SLC44A5: variants seen among roughly 807,000 people sequenced by gnomAD.
The protein encoded by SLC44A5 is solute carrier family 44 member 5.
SLC44A5 carries 57 observed loss-of-function variants against 101.8 expected under a neutral mutation model. The ratio of observed to expected loss-of-function variants is 0.56; its 90% CI spans 0.45 to 0.70. The LOEUF is 0.70. SLC44A5 is among the 30% of genes least tolerant of loss of function. The pLI is 0.00. For missense variants in SLC44A5, 737 were observed against 853.1 expected, an observed-to-expected ratio of 0.86 and a Z score of 1.70; for synonymous variants, 281 against 290.9, an observed-to-expected ratio of 0.97 and a Z score of 0.35.
chr1:75,394,518 T>C (rs1662003577), intron 3 of SLC44A5, among the ~76,000 whole-genome samples: 1 of 152,152 alleles, frequency 6.6e-6, no homozygotes, highest in African/African-American at 2.4e-5. Context: ...AGCAAAGTCT[T>C]TGAAGAGGCA....
chr1:75,549,779 T>G (rs1214609202), intron 1 of SLC44A5, among the ~76,000 whole-genome samples: 2 of 152,182 alleles, frequency 1.3e-5, no homozygotes, highest in East Asian at 3.9e-4. Flanking sequence ...TCTGGAGATT[T>G]GAAGGATAAA....
intron 4 of SLC44A5, among the ~76,000 whole-genome samples, chr1:75,312,647 T>G (rs1365715234): frequency 6.6e-6 from 1 of 151,010 alleles, no homozygotes; most frequent in Non-Finnish European, 1.5e-5. Context: ...CAAACAAATT[T>G]CTATTCTATT....
the SLC44A5 span, among the ~76,000 whole-genome samples, chr1:75,618,211 GACTATTT>G: frequency 6.6e-6 from 1 of 152,190 alleles, no homozygotes; most frequent in Non-Finnish European, 1.5e-5. Flanking sequence ...GACTAGTTAG[GACTATTT>G]TTGGTACATG....
At chr1:75,495,515 G>A (rs187593609) in intron 2 of SLC44A5, among the ~76,000 whole-genome samples, 11 of 151,932 alleles carry the variant, frequency 7.2e-5, no homozygotes, top group African/African-American at 2.7e-4. Flanking sequence ...GGAGAATAAT[G>A]TATGAACAAA....
the SLC44A5 span, among the ~76,000 whole-genome samples, chr1:75,665,833 A>T: frequency 6.6e-6 from 1 of 152,218 alleles, no homozygotes. Context: ...TTCTGAAAAG[A>T]GGATATATGA....
intron 12 of SLC44A5, among the ~76,000 whole-genome samples, chr1:75,231,326 A>C (rs1000308148): frequency 1.1e-4 from 16 of 151,976 alleles, no homozygotes; most frequent in African/African-American, 3.9e-4. Flanking sequence ...TTTGGAGGAG[A>C]TTTCCTTTAT....
chr1:75,513,659 C>G (rs1191396562), intron 2 of SLC44A5, among the ~76,000 whole-genome samples: 2 of 152,166 alleles, frequency 1.3e-5, no homozygotes, highest in African/African-American at 4.8e-5. Flanking sequence ...GAAATGAATG[C>G]TATGCACCAA....
At chr1:75,441,556 T>TG (rs1665201932) in intron 2 of SLC44A5, among the ~76,000 whole-genome samples, 1 of 151,998 alleles carries the variant, frequency 6.6e-6, no homozygotes, top group East Asian at 1.9e-4. Flanking sequence ...ATTATAATAA[T>TG]AAACATAATT....
At chr1:75,291,162 T>C (rs1260537315) in intron 5 of SLC44A5, among the ~76,000 whole-genome samples, 1 of 152,236 alleles carries the variant, frequency 6.6e-6, no homozygotes, top group Non-Finnish European at 1.5e-5. Context: ...TTTCTGATTA[T>C]TCTAAGTCAA....
intron 2 of SLC44A5, among the ~76,000 whole-genome samples, chr1:75,473,062 A>G (rs1005901722): frequency 1.3e-5 from 2 of 152,210 alleles, no homozygotes; most frequent in Non-Finnish European, 2.9e-5. Flanking sequence ...AGTGTTGGCA[A>G]TGTGGTATTA....
rs574027773 is a variant in SLC44A5 at position 75,228,221 on chromosome 1, T to C, written c.854-364A>G. Among the ~76,000 whole-genome samples, 3 of 151,562 alleles carry C rather than the reference T, an allele frequency of 2.0e-5. No individual in the cohort carries two copies. In the South Asian group the frequency reaches 6.2e-4, roughly 31 times the overall value. ...CTAATACGAATTTATGATTATCCAT[T>C]TATTTATTTATCCTTGCAATTCTAT... On this transcript the variant is annotated intron_variant, in intron 12 of 23. Transcript: ENST00000370859.
At chr1:75,388,543 G>C (rs1272556237) in intron 3 of SLC44A5, among the ~76,000 whole-genome samples, 1 of 152,098 alleles carries the variant, frequency 6.6e-6, no homozygotes, top group Non-Finnish European at 1.5e-5. Flanking sequence ...CACTTTGGGA[G>C]GCCGAGGCGG....
chr1:75,583,588 T>G (rs551368219), intron 1 of SLC44A5, among the ~76,000 whole-genome samples: 1 of 152,308 alleles, frequency 6.6e-6, no homozygotes, highest in South Asian at 2.1e-4. Context: ...ATCCTTTGTC[T>G]TTTCCAGAAA....
the SLC44A5 span, among the ~76,000 whole-genome samples, chr1:75,707,279 A>G: frequency 1.3e-5 from 2 of 152,212 alleles, no homozygotes; most frequent in African/African-American, 4.8e-5. Flanking sequence ...TCTAGTGGCC[A>G]AAGAGCAGTC....
intron 3 of SLC44A5, chr1:75,354,051 GT>G: frequency 3.2e-6 from 1 of 313,466 alleles, no homozygotes; most frequent in Non-Finnish European, 6.1e-6. Flanking sequence ...TGAATGAAAT[GT>G]TTTAGAATCC....
chr1:75,288,022 G>A (rs1459881425), intron 5 of SLC44A5, among the ~76,000 whole-genome samples: 2 of 152,152 alleles, frequency 1.3e-5, no homozygotes, highest in Non-Finnish European at 2.9e-5. Context: ...TCAGGAGCTG[G>A]ATGGGGCCAT....
At chr1:75,532,124 C>A (rs74505951) in intron 2 of SLC44A5, among the ~76,000 whole-genome samples, 6,574 of 152,182 alleles carry the variant, frequency 0.043, 165 homozygotes, top group East Asian at 0.11. Context: ...AACAAGCTCT[C>A]CAGGTGGTTG....
the SLC44A5 span, among the ~76,000 whole-genome samples, chr1:75,628,682 C>T: frequency 6.6e-6 from 1 of 152,074 alleles, no homozygotes; most frequent in Non-Finnish European, 1.5e-5. Context: ...CATGTCATAA[C>T]ATTCAAAAAA....
intron 13 of SLC44A5, among the ~76,000 whole-genome samples, chr1:75,225,001 T>C (rs147577581): frequency 1.3e-5 from 2 of 152,344 alleles, no homozygotes; most frequent in Non-Finnish European, 2.9e-5. Context: ...TATTGTAGCC[T>C]ACATGTACAG....
Sources: allele counts gnomAD v4.1 joint callset (sites outside exome capture counted in the v4.1 genomes callset), GRCh38; gene constraint gnomAD v4.1.1; transcripts MANE v1.5; gene names NCBI Gene and HGNC (gene_info 2026-07-23, HGNC 2026-07-21).